Variants in MAP2K4 observed in about 807,000 individuals in gnomAD.
MAP2K4 encodes the protein mitogen-activated protein kinase kinase 4, also known as dual specificity mitogen-activated protein kinase kinase 4.
Under a neutral mutation model 48.5 loss-of-function variants are expected in MAP2K4, and 4 were observed. That is an observed-to-expected ratio of 0.08 (90% CI 0.04 to 0.19). MAP2K4 has a LOEUF of 0.19. MAP2K4 is among the 10% of genes least tolerant of loss of function. The pLI, the probability that MAP2K4 is intolerant of heterozygous loss-of-function variation, is 1.00. For synonymous variants in MAP2K4, 166 were observed against 173.1 expected (o/e 0.96, Z 0.32); for missense variants, 258 against 493.3 (o/e 0.52, Z 4.52).
At chr17:12,086,446 A>T (rs62061006) in intron 3 of MAP2K4, among the ~76,000 whole-genome samples, 8 of 152,128 alleles carry the variant, frequency 5.3e-5, no homozygotes, top group African/African-American at 1.4e-4. Flanking sequence ...TTCCCAGTAT[A>T]CATGTGTGCT....
In MAP2K4 at chr17:12,081,998, T is replaced by C. The variant is rs756983843; in HGVS notation, c.393+468T>C. On this transcript the variant is annotated intron_variant, in intron 3 of 10. Coordinates refer to ENST00000353533, the MANE Select transcript of MAP2K4 (RefSeq NM_003010.4). This position sits in a 1 kb window ranked among gnomAD's most constrained non-coding sequence, Gnocchi z 4.2. ...CACTAACCTCAACCTTACTCGGTCC[T>C]GACCGGCTCGGCTTCTGTTTGTTTA... The C allele has an allele frequency of 1.9e-6, 1 of 527,974 alleles. No individual in the cohort carries two copies. The highest frequency in any genetic ancestry group is 3.9e-6 in the Non-Finnish European group (1 of 256,622). 32.7% of individuals were successfully genotyped at this position (527,974 alleles called of 1,614,324 possible).
At position 12,119,275 on chromosome 17, in the gene MAP2K4, A is replaced by C. The variant is rs572384366; in HGVS notation, c.813+5915A>C. Among the ~76,000 whole-genome samples, 7 of 152,376 alleles carry C rather than the reference A, an allele frequency of 4.6e-5. No individual in the cohort carries two copies. In the South Asian group the frequency reaches 1.4e-3, roughly 32 times the overall value. On this transcript the variant is annotated intron_variant, in intron 7 of 10. Coordinates refer to ENST00000353533, the MANE Select transcript of MAP2K4 (RefSeq NM_003010.4). Reference sequence around the variant, plus strand: ...GTCTCACAAAGTTCTAATATTCAGCATCTATAAGGAACTTAAATTTATAAG... The same window carrying C: ...GTCTCACAAAGTTCTAATATTCAGCCTCTATAAGGAACTTAAATTTATAAG...
intron 4 of MAP2K4, 62 bp from the exon 5 acceptor site, chr17:12,107,728 T>G: frequency 7.3e-7 from 1 of 1,373,830 alleles, no homozygotes; most frequent in Non-Finnish European, 9.9e-7. Flanking sequence ...TATTTCCATT[T>G]TAAGTAAAGG....
intron 1 of MAP2K4, among the ~76,000 whole-genome samples, chr17:12,050,452 T>C (rs1468272380): frequency 6.6e-6 from 1 of 152,188 alleles, no homozygotes; most frequent in Non-Finnish European, 1.5e-5. Flanking sequence ...TGTTTCTTCC[T>C]GAGGGACATA....
At chr17:12,122,238 C>T (rs1170783578) in intron 7 of MAP2K4, among the ~76,000 whole-genome samples, 1 of 152,210 alleles carries the variant, frequency 6.6e-6, no homozygotes, top group African/African-American at 2.4e-5. Context: ...TCAACTATTC[C>T]GTACTTGCTC....
intron 4 of MAP2K4, among the ~76,000 whole-genome samples, chr17:12,103,053 A>C (rs903572816): frequency 6.6e-5 from 10 of 150,722 alleles, no homozygotes; most frequent in African/African-American, 2.4e-4. Context: ...AAAAAAAAAA[A>C]AAAAAAGTCA....
At chr17:12,047,706 C>T (rs1361771735) in intron 1 of MAP2K4, among the ~76,000 whole-genome samples, 3 of 152,166 alleles carry the variant, frequency 2.0e-5, no homozygotes, top group Non-Finnish European at 4.4e-5. Context: ...CAGTTTTCTT[C>T]TCTAGAGAAT....
At chr17:12,092,829 A>G (rs1324962561) in intron 3 of MAP2K4, among the ~76,000 whole-genome samples, 1 of 152,174 alleles carries the variant, frequency 6.6e-6, no homozygotes, top group African/African-American at 2.4e-5. Flanking sequence ...GATCGAGACT[A>G]TCCTGGTTAA....
chr17:12,083,040 A>G (rs540668155), intron 3 of MAP2K4, among the ~76,000 whole-genome samples: 64 of 152,320 alleles, frequency 4.2e-4, no homozygotes, highest in South Asian at 2.3e-3. Flanking sequence ...AAGGTTTCCT[A>G]TATAGTTAAA....
intron 6 of MAP2K4, among the ~76,000 whole-genome samples, chr17:12,112,206 G>A (rs968148896): frequency 2.0e-5 from 3 of 152,174 alleles, no homozygotes; most frequent in South Asian, 2.1e-4. Context: ...GCTGACACCT[G>A]TAATCCCAGC....
At chr17:12,023,786 C>T (rs1377211904) in intron 1 of MAP2K4, among the ~76,000 whole-genome samples, 1 of 152,186 alleles carries the variant, frequency 6.6e-6, no homozygotes, top group Non-Finnish European at 1.5e-5. Context: ...TTCAGATATG[C>T]GTTTTGTGAC....
chr17:12,027,519 A>G (rs1397163120), intron 1 of MAP2K4, among the ~76,000 whole-genome samples: 1 of 152,094 alleles, frequency 6.6e-6, no homozygotes, highest in Non-Finnish European at 1.5e-5. Flanking sequence ...TTGTTCAAAC[A>G]TTTAAAAAAA....
intron 2 of MAP2K4, among the ~76,000 whole-genome samples, chr17:12,067,113 T>C (rs988242070): frequency 1.3e-5 from 2 of 152,244 alleles, no homozygotes; most frequent in Non-Finnish European, 2.9e-5. Flanking sequence ...TGAGCCACTG[T>C]GCCCCACCCA....
intron 1 of MAP2K4, among the ~76,000 whole-genome samples, chr17:12,028,611 G>A (rs1159609544): frequency 1.3e-5 from 2 of 152,202 alleles, no homozygotes; most frequent in African/African-American, 4.8e-5. Flanking sequence ...CTTCATGCTT[G>A]TGACAGAGGA....
At chr17:12,115,848 C>G (rs918092617) in intron 7 of MAP2K4, 13 of 692,810 alleles carry the variant, frequency 1.9e-5, no homozygotes, top group Non-Finnish European at 3.3e-5. Flanking sequence ...GAGAATAAAA[C>G]CATGTACTGC....
chr17:12,125,392 C>G (rs2151587971), intron 8 of MAP2K4, 21 bp downstream of exon 8: 1 of 1,600,112 alleles, frequency 6.2e-7, no homozygotes, highest in Non-Finnish European at 8.6e-7. Context: ...GCTGATTCAA[C>G]CTTGCCACAG....
In MAP2K4 at chr17:12,107,470, G is replaced by T. The variant is rs573809644; in HGVS notation, c.514-320G>T. The stretch of plus-strand genomic sequence containing the variant: ...TCTATTTTCATTGTTAGTAAGAATG[G>T]TTTTCTACACATTTCCTATTTTTTT... On this transcript the variant is annotated intron_variant, in intron 4 of 10. Coordinates refer to ENST00000353533, the MANE Select transcript of MAP2K4 (RefSeq NM_003010.4). Among the ~76,000 whole-genome samples, 141 of 148,396 alleles carry T rather than the reference G, an allele frequency of 9.5e-4. 2 individuals carry two copies. The highest frequency in any genetic ancestry group is 5.5e-3 in the Admixed American group (82 of 14,836).
chr17:12,024,767 T>C (rs1285027977), intron 1 of MAP2K4, among the ~76,000 whole-genome samples: 1 of 152,182 alleles, frequency 6.6e-6, no homozygotes, highest in Non-Finnish European at 1.5e-5. Context: ...TATTATTCTT[T>C]AGTCCAAGAA....
At chr17:12,140,214 A>G (rs113591302) in intron 10 of MAP2K4, among the ~76,000 whole-genome samples, 1 of 152,030 alleles carries the variant, frequency 6.6e-6, no homozygotes, top group African/African-American at 2.4e-5. Context: ...ATTAGTGAAA[A>G]TTTGTGTTTA....
Sources: gnomAD v4.1 joint callset for allele counts (sites outside exome capture counted in the v4.1 genomes callset) on GRCh38, gnomAD v4.1.1 for gene constraint, Gnocchi (gnomAD v3.1) non-coding constraint, MANE v1.5 for transcripts, NCBI Gene and HGNC (gene_info 2026-07-23, HGNC 2026-07-21) for gene names.